Variants in TACR1 observed in about 807,000 individuals in gnomAD.
The protein encoded by TACR1 is substance-P receptor.
A neutral mutation model predicts 35.8 loss-of-function variants in TACR1; 25 were observed. That is an observed-to-expected ratio of 0.70 (90% CI 0.51 to 0.98). The LOEUF (loss-of-function observed/expected upper bound fraction) is 0.98, where lower values mean the gene tolerates loss of function less well. TACR1 is among the 50% of genes least tolerant of loss of function. The pLI is 0.00. For missense variants in TACR1, 478 were observed against 522.9 expected (o/e 0.91, Z 0.84); for synonymous variants, 195 against 206.7 (o/e 0.94, Z 0.48).
intron 2 of TACR1, among the ~76,000 whole-genome samples, chr2:75,097,374 A>G (rs1034791298): frequency 9.7e-6 from 1 of 102,752 alleles, no homozygotes; most frequent in East Asian, 2.9e-4. Flanking sequence ...CCATTTCTTC[A>G]TTAGTTTTTT....
chr2:75,138,212 A>T (rs563617030), intron 1 of TACR1, among the ~76,000 whole-genome samples: 1 of 152,350 alleles, frequency 6.6e-6, no homozygotes, highest in South Asian at 2.1e-4. Flanking sequence ...AGTGTTCCAT[A>T]GTGCAGAGGC....
At position 75,198,743 on chromosome 2, in the gene TACR1, C is replaced by T; in HGVS notation, c.192G>A (p.Arg64=). The T allele has an allele frequency of 6.2e-7, 1 of 1,614,210 alleles. No individual in the cohort carries two copies. Among genetic ancestry groups the T allele is most frequent in the Non-Finnish European group, 8.5e-7 (1 of 1,180,036 alleles). ...MWIILAHKRM[R]TVTNYFLVNL... ...TCACCAGAAAATAGTTCGTCACTGT[C>T]CTCATTCTTTTGTGGGCTAAGATGA... The change falls in exon 1 of 5, where the codon AGG becomes AGA. Residue 64 remains arginine (R), a synonymous_variant. Transcript: ENST00000305249.
Position 75,148,038 on chromosome 2 carries a change from A to G in TACR1, c.390-27270T>C, listed in dbSNP as rs1674585649. 2.6e-5 allele frequency among the ~76,000 whole-genome samples: 4 copies of G among 152,116 alleles called. No individual in the cohort carries two copies. The South Asian group carries it at 8.3e-4, about 32-fold the overall frequency. ...TGCGATTACAGTTGTGAGCCACCAC[A>G]CCTGGCCGATCTCATTCCTTTTAAT... On this transcript the variant is annotated intron_variant, in intron 1 of 4. Transcript: ENST00000305249.
chr2:75,050,439 C>T (rs956895629), intron 4 of TACR1, among the ~76,000 whole-genome samples: 2 of 152,172 alleles, frequency 1.3e-5, no homozygotes, highest in Non-Finnish European at 1.5e-5. Context: ...TGGTAACAAG[C>T]ATTTTATTCC....
At chr2:75,114,486 T>G (rs1438722749) in intron 2 of TACR1, among the ~76,000 whole-genome samples, 1 of 152,244 alleles carries the variant, frequency 6.6e-6, no homozygotes, top group Middle Eastern at 3.2e-3. Flanking sequence ...GGCATTGCCC[T>G]AGTACCTTCT....
intron 2 of TACR1, among the ~76,000 whole-genome samples, chr2:75,100,386 T>A (rs1455714033): frequency 1.3e-5 from 2 of 152,256 alleles, no homozygotes; most frequent in Non-Finnish European, 2.9e-5. Flanking sequence ...AACCTCTCTT[T>A]CAAATCTTTG....
chr2:75,132,897 T>C (rs1674206919), intron 1 of TACR1, among the ~76,000 whole-genome samples: 1 of 152,244 alleles, frequency 6.6e-6, no homozygotes, highest in East Asian at 1.9e-4. Flanking sequence ...GAAGAGATTT[T>C]TTTTGTTTTC....
intron 1 of TACR1, among the ~76,000 whole-genome samples, chr2:75,138,818 C>A (rs1321977718): frequency 6.6e-6 from 1 of 152,024 alleles, no homozygotes; most frequent in Non-Finnish European, 1.5e-5. Flanking sequence ...GAGCCAGGCA[C>A]TATGGCAGGA....
At chr2:75,131,252 C>G (rs1674171769) in intron 1 of TACR1, among the ~76,000 whole-genome samples, 1 of 151,994 alleles carries the variant, frequency 6.6e-6, no homozygotes, top group South Asian at 2.1e-4. Context: ...CCATGCTTGG[C>G]TAATTTTTTG....
chr2:75,073,614 G>A (rs1031457822), intron 2 of TACR1, among the ~76,000 whole-genome samples: 3 of 152,210 alleles, frequency 2.0e-5, no homozygotes, highest in African/African-American at 7.2e-5. Flanking sequence ...GTCAGGTGTC[G>A]GGTGGGCACC....
chr2:75,149,142 A>C (rs1674611354), intron 1 of TACR1, among the ~76,000 whole-genome samples: 1 of 152,070 alleles, frequency 6.6e-6, no homozygotes, highest in Non-Finnish European at 1.5e-5. Context: ...GTATAGTATG[A>C]AGTCAGGTAG....
At chr2:75,167,527 A>G (rs1675175700) in intron 1 of TACR1, among the ~76,000 whole-genome samples, 1 of 152,262 alleles carries the variant, frequency 6.6e-6, no homozygotes, top group Non-Finnish European at 1.5e-5. Context: ...ATAAAGTACC[A>G]TGACATTATA....
intron 2 of TACR1, among the ~76,000 whole-genome samples, chr2:75,065,032 A>G (rs1672738136): frequency 6.6e-6 from 1 of 152,214 alleles, no homozygotes; most frequent in Non-Finnish European, 1.5e-5. Context: ...TGGCAAGATG[A>G]TATCAGTCAT....
intron 2 of TACR1, among the ~76,000 whole-genome samples, chr2:75,076,435 C>G (rs1558544563): frequency 6.6e-6 from 1 of 152,110 alleles, no homozygotes; most frequent in Non-Finnish European, 1.5e-5. Context: ...ACTCATAGAC[C>G]CAGCTTCTTG....
chr2:75,053,685 C>A lies in TACR1; in HGVS notation c.655G>T (p.Val219Leu). The change falls in exon 3 of 5, where the codon GTG becomes TTG. Residue 219 changes from valine to leucine, a missense_variant. Coordinates refer to ENST00000305249, the MANE Select transcript of TACR1 (RefSeq NM_001058.4). ...TCACTGGCCCATAGTGTGATTCCCACTACGGTGTATGCATAGCCAATCACC... is the reference window on the plus strand; with the variant it reads ...TCACTGGCCCATAGTGTGATTCCCAATACGGTGTATGCATAGCCAATCACC... ...LLVIGYAYTVVGITLWASEIP... is the reference protein window; with the variant it reads ...LLVIGYAYTVLGITLWASEIP... 1 of 1,613,370 alleles carries A rather than the reference C, an allele frequency of 6.2e-7. No individual in the cohort carries two copies. Among genetic ancestry groups the A allele is most frequent in the Non-Finnish European group, 8.5e-7 (1 of 1,179,694 alleles).
intron 2 of TACR1, among the ~76,000 whole-genome samples, chr2:75,103,804 G>T (rs1004044985): frequency 1.3e-5 from 2 of 151,982 alleles, no homozygotes; most frequent in Non-Finnish European, 2.9e-5. Context: ...GTGGAGTAGG[G>T]GATACAAGCC....
chr2:75,166,896 T>C (rs1313284778), intron 1 of TACR1, among the ~76,000 whole-genome samples: 1 of 152,248 alleles, frequency 6.6e-6, no homozygotes, highest in East Asian at 1.9e-4. Context: ...GGGTTATAGA[T>C]GCCTTAGTGT....
rs191871181 is a variant in TACR1 at position 75,133,146 on chromosome 2, T to C, written c.390-12378A>G. Among the ~76,000 whole-genome samples the C allele has an allele frequency of 2.1e-3, 318 of 152,332 alleles. 2 individuals carry two copies. The highest frequency in any genetic ancestry group is 3.3e-3 in the Non-Finnish European group (223 of 68,030). On this transcript the variant is annotated intron_variant, in intron 1 of 4. Transcript: ENST00000305249. ...AAGACAAAAGCCAGCTTCACTGCTG[T>C]CAGTATGTAGAATTCCTGCCATTAT...
chr2:75,168,853 G>A (rs185132122), intron 1 of TACR1, among the ~76,000 whole-genome samples: 127 of 152,146 alleles, frequency 8.3e-4, no homozygotes, highest in African/African-American at 3.0e-3. Context: ...TGTGAATATA[G>A]TAGCAATGAT....
Sources: gnomAD v4.1 joint callset for allele counts (sites outside exome capture counted in the v4.1 genomes callset) on GRCh38, gnomAD v4.1.1 for gene constraint, MANE v1.5 for transcripts, NCBI Gene and HGNC (gene_info 2026-07-23, HGNC 2026-07-21) for gene names.